The following PDE4B variants were observed in gnomAD, a reference collection of about 807,000 sequenced individuals.
The protein encoded by PDE4B is phosphodiesterase 4B, also known as 3',5'-cyclic-AMP phosphodiesterase 4B.
In PDE4B, 20 loss-of-function variants were observed where a neutral mutation model predicts 82.2. That is an observed-to-expected ratio of 0.24 (90% CI 0.17 to 0.35). The LOEUF (loss-of-function observed/expected upper bound fraction) is 0.35, where lower values mean the gene tolerates loss of function less well. Among genes scored for constraint, PDE4B ranks in the 10% least tolerant of loss-of-function variants. The probability of loss-of-function intolerance (pLI) is 1.00; values close to 1 mark genes in which losing one functional copy is unlikely to be tolerated. For synonymous variants in PDE4B, 320 were observed against 318.9 expected, an observed-to-expected ratio of 1.00 and a Z score of -0.04; for missense variants, 655 against 907.2, an observed-to-expected ratio of 0.72 and a Z score of 3.57.
chr1:65,933,320 T>TA (rs887770080), intron 3 of PDE4B, among the ~76,000 whole-genome samples: 317 of 143,574 alleles, frequency 2.2e-3, no homozygotes, highest in East Asian at 4.6e-3. Context: ...GTGCTGAAAT[T>TA]AAAAAAAAAA....
intron 3 of PDE4B, among the ~76,000 whole-genome samples, chr1:66,036,616 AT>A: frequency 6.6e-6 from 1 of 152,276 alleles, no homozygotes; most frequent in East Asian, 1.9e-4. Context: ...CTTGTCAGAA[AT>A]CAATTGACTA....
At chr1:66,200,262 T>C (rs935963993) in intron 3 of PDE4B, among the ~76,000 whole-genome samples, 8 of 152,210 alleles carry the variant, frequency 5.3e-5, no homozygotes, top group African/African-American at 1.7e-4. Context: ...TATAGTATAG[T>C]TTGAAGTCAG....
At chr1:66,011,073 G>A (rs559572845) in intron 3 of PDE4B, among the ~76,000 whole-genome samples, 46 of 151,860 alleles carry the variant, frequency 3.0e-4, no homozygotes, top group African/African-American at 1.1e-3. Flanking sequence ...TGAGATTCAT[G>A]CATGTTGTTT....
intron 3 of PDE4B, among the ~76,000 whole-genome samples, chr1:65,966,388 G>A (rs1339447379): frequency 3.3e-5 from 5 of 152,104 alleles, no homozygotes; most frequent in Non-Finnish European, 5.9e-5. Flanking sequence ...ACTGCTCAAG[G>A]AAATAAGAGG....
intron 7 of PDE4B, among the ~76,000 whole-genome samples, chr1:66,313,508 G>C (rs1658811138): frequency 6.6e-6 from 1 of 152,068 alleles, no homozygotes; most frequent in Non-Finnish European, 1.5e-5. Flanking sequence ...CCAAAGAGTT[G>C]GATTAAATAC....
chr1:66,172,576 TAA>T lies in PDE4B; in HGVS notation c.282-74883_282-74882del, dbSNP rs199765384. On this transcript the variant is annotated intron_variant, in intron 3 of 16. Transcript: ENST00000341517. ...AATTTACATTCTTACCAACAATATA[TAA>T]GTGTTCCCTTTTCTCTGCAGCCTCA... Among the ~76,000 whole-genome samples the T allele has an allele frequency of 8.4e-3, 1,281 of 152,348 alleles. 27 individuals are homozygous for T. Among genetic ancestry groups the T allele is most frequent in the African/African-American group, 0.029 (1,194 of 41,578 alleles).
At chr1:66,319,923 T>G (rs1286354468) in intron 7 of PDE4B, among the ~76,000 whole-genome samples, 2 of 152,160 alleles carry the variant, frequency 1.3e-5, no homozygotes, top group African/African-American at 4.8e-5. Context: ...TAATCTAACA[T>G]TAAAAACCTC....
At chr1:66,339,816 ATTG>A (rs1660823287) in intron 8 of PDE4B, among the ~76,000 whole-genome samples, 2 of 150,194 alleles carry the variant, frequency 1.3e-5, no homozygotes, top group South Asian at 2.1e-4. Flanking sequence ...TCTTTTAAAA[ATTG>A]TTTAGTTTTT....
chr1:66,242,750 C>T (rs974943462), intron 3 of PDE4B, among the ~76,000 whole-genome samples: 5 of 144,196 alleles, frequency 3.5e-5, no homozygotes, highest in Non-Finnish European at 5.9e-5. Flanking sequence ...CTGATTTTTC[C>T]TCCCAGGCTT....
chr1:66,272,048 G>A (rs547133823), intron 7 of PDE4B, among the ~76,000 whole-genome samples: 1 of 152,226 alleles, frequency 6.6e-6, no homozygotes, highest in Non-Finnish European at 1.5e-5. Flanking sequence ...TGGGAAGAAA[G>A]CTTCACTTCT....
At chr1:66,004,595 C>T (rs1428050105) in intron 3 of PDE4B, among the ~76,000 whole-genome samples, 3 of 151,998 alleles carry the variant, frequency 2.0e-5, no homozygotes, top group Non-Finnish European at 4.4e-5. Context: ...ATTAGTGAAA[C>T]TATTAATAGA....
At chr1:66,190,667 A>G (rs183290099) in intron 3 of PDE4B, among the ~76,000 whole-genome samples, 2 of 152,262 alleles carry the variant, frequency 1.3e-5, no homozygotes, top group East Asian at 1.9e-4. Context: ...CTGGTATGCC[A>G]TTTGCTAAGA....
intron 3 of PDE4B, among the ~76,000 whole-genome samples, chr1:66,091,641 A>T (rs1186917506): frequency 6.6e-6 from 1 of 152,076 alleles, no homozygotes; most frequent in African/African-American, 2.4e-5. Flanking sequence ...CAGTTAAAAA[A>T]ATTACATGAG....
chr1:65,797,189 C>T (rs1007532567), intron 1 of PDE4B, among the ~76,000 whole-genome samples: 4 of 152,048 alleles, frequency 2.6e-5, no homozygotes, highest in African/African-American at 4.8e-5. Context: ...CTTCTGACCT[C>T]GTGATCCACC....
chr1:65,990,639 G>A (rs1009861613), intron 3 of PDE4B, among the ~76,000 whole-genome samples: 2 of 152,070 alleles, frequency 1.3e-5, no homozygotes, highest in Non-Finnish European at 1.5e-5. Context: ...ATTAAAACAT[G>A]CATTAGAGCC....
chr1:66,137,427 C>T (rs867262185), intron 3 of PDE4B, among the ~76,000 whole-genome samples: 1 of 152,128 alleles, frequency 6.6e-6, no homozygotes, highest in Non-Finnish European at 1.5e-5. Flanking sequence ...TGTCTGATGG[C>T]TTTAATTTTC....
At chr1:65,937,042 C>T (rs1408064309) in intron 3 of PDE4B, among the ~76,000 whole-genome samples, 1 of 152,120 alleles carries the variant, frequency 6.6e-6, no homozygotes, top group Non-Finnish European at 1.5e-5. Flanking sequence ...TTTCAGGTTT[C>T]CTTATGGTGG....
chr1:65,897,168 A>G (rs1331559252), intron 1 of PDE4B, among the ~76,000 whole-genome samples: 2 of 152,184 alleles, frequency 1.3e-5, no homozygotes, highest in Admixed American at 1.3e-4. Context: ...CAGAAGCGTC[A>G]AATAAATTGC....
intron 1 of PDE4B, among the ~76,000 whole-genome samples, chr1:65,907,713 C>T (rs553271708): frequency 1.2e-4 from 18 of 152,210 alleles, no homozygotes; most frequent in African/African-American, 4.3e-4. Context: ...AGGAGACTTA[C>T]GTAGAATTGC....
Sources: allele counts gnomAD v4.1 joint callset (sites outside exome capture counted in the v4.1 genomes callset), GRCh38; gene constraint gnomAD v4.1.1; transcripts MANE v1.5; gene names NCBI Gene and HGNC (gene_info 2026-07-23, HGNC 2026-07-21).